Variants in SLC12A2 observed in about 807,000 individuals in gnomAD.
The protein encoded by SLC12A2 is solute carrier family 12 member 2.
SLC12A2 carries 67 observed loss-of-function variants against 136.3 expected under a neutral mutation model. The observed-to-expected ratio is 0.49, with a 90% CI of 0.40 to 0.60. The LOEUF is 0.60. Ranked by LOEUF, SLC12A2 falls within the 20% of genes least tolerant of loss-of-function variation. The pLI is 0.00. For missense variants in SLC12A2, 1,322 were observed against 1,534.7 expected (o/e 0.86, Z 2.32); for synonymous variants, 619 against 562.9 (o/e 1.10, Z -1.41).
intron 25 of SLC12A2, 120 bp from the exon 26 acceptor site, chr5:128,184,667 AAC>A: frequency 6.7e-7 from 1 of 1,495,676 alleles, no homozygotes; most frequent in Non-Finnish European, 9.1e-7. Flanking sequence ...AAAAATAGAG[AAC>A]AGATATTTTT....
At chr5:128,112,374 A>C (rs1560637) in intron 1 of SLC12A2, among the ~76,000 whole-genome samples, 125,465 of 152,164 alleles carry the variant, frequency 0.82, 52,397 homozygotes, top group African/African-American at 0.95. Context: ...TATAAAAAAA[A>C]CATATTCGTT....
At position 128,152,706 on chromosome 5, in the gene SLC12A2, A is replaced by T; in HGVS notation, c.2264A>T (p.Asp755Val). 6.3e-7 allele frequency: 1 copy of T among 1,593,594 alleles called. No individual in the cohort carries two copies. The highest frequency in any genetic ancestry group is 1.7e-4 in the Middle Eastern group (1 of 6,020). ...LYIYVTYKKP[D>V]VNWGSSTQAL... ...CTGCATGAACATTATCTTCCCACAG[A>T]TGTGAATTGGGGATCCTCTACACAA... Residue 755 changes from aspartate to valine, a missense_variant and splice_region_variant, in exon 15 of 27, where the codon GAT becomes GTT. Around this residue, in one of 8 missense-constraint regions of SLC12A2, gnomAD observed 294 missense variants for 436.6 expected, o/e 0.67. Transcript: ENST00000262461.
chr5:128,134,195 A>C lies in SLC12A2; in HGVS notation c.1219A>C (p.Asn407His), dbSNP rs935340000. Reference sequence around the variant, plus strand: ...TTCCATACTTATGATAGATGAAATCAATGATATCCGAATTATTGGAGCCAT... The same window carrying C: ...TTCCATACTTATGATAGATGAAATCCATGATATCCGAATTATTGGAGCCAT... ...EHSILMIDEI[N>H]DIRIIGAITV... is the part of the protein sequence containing the mutation. Residue 407 changes from asparagine (N) to histidine (H), a missense_variant, in exon 6 of 27, where the codon AAT (asparagine) becomes CAT (histidine). This residue lies in a region of SLC12A2 where 110 missense variants were observed against 114.5 expected (regional missense o/e 0.96). Coordinates refer to ENST00000262461, the MANE Select transcript of SLC12A2 (RefSeq NM_001046.3). 3.8e-6 allele frequency: 6 copies of C among 1,598,486 alleles called. No individual in the cohort carries two copies. The highest frequency in any genetic ancestry group is 5.1e-6 in the Non-Finnish European group (6 of 1,166,398).
intron 4 of SLC12A2, among the ~76,000 whole-genome samples, chr5:128,117,938 C>T (rs1486254584): frequency 2.6e-5 from 4 of 152,050 alleles, no homozygotes; most frequent in Non-Finnish European, 4.4e-5. Flanking sequence ...ACAAGATGTA[C>T]ATATGGCCAA....
At chr5:128,102,727 C>G (rs1007849616) in intron 1 of SLC12A2, among the ~76,000 whole-genome samples, 1 of 149,778 alleles carries the variant, frequency 6.7e-6, no homozygotes, top group Non-Finnish European at 1.5e-5. Flanking sequence ...ATCCTCTGGC[C>G]TCAGCCTCCC....
Position 128,161,698 on chromosome 5 carries a change from T to A in SLC12A2, c.2514T>A (p.Asp838Glu), listed in dbSNP as rs770774203. The A allele has an allele frequency of 6.7e-7, 1 of 1,500,720 alleles. No homozygotes were observed. The highest frequency in any genetic ancestry group is 8.9e-7 in the Non-Finnish European group (1 of 1,125,770). The allele number at this position is 1,500,720 out of a possible 1,614,324, so 93.0% of individuals were successfully genotyped here. ...AAGCCATGAAAGAGATGTCCATCGA[T>A]CAAGCCAAATATCAGCGATGGCTTA... Reference protein sequence around the residue: ...RRQAMKEMSIDQAKYQRWLIK... With the variant: ...RRQAMKEMSIEQAKYQRWLIK... Residue 838 changes from aspartate (D) to glutamate (E), a missense_variant, in exon 17 of 27, where the codon GAT (aspartate) becomes GAA (glutamate). Asp to Glu is a conservative substitution (Grantham distance 45, BLOSUM62 2). Around this residue, in one of 8 missense-constraint regions of SLC12A2, gnomAD observed 294 missense variants for 436.6 expected, o/e 0.67. Transcript: ENST00000262461.
chr5:128,150,214 C>G, intron 13 of SLC12A2, 116 bp downstream of exon 13: 1 of 656,680 alleles, frequency 1.5e-6, no homozygotes, highest in Non-Finnish European at 2.7e-6. Context: ...AATGCCAAGT[C>G]TGTCTTTACA....
At chr5:128,184,963 G>T (rs1763822957) in intron 26 of SLC12A2, 107 bp downstream of exon 26, 2 of 979,622 alleles carry the variant, frequency 2.0e-6, no homozygotes, top group Non-Finnish European at 3.1e-6. Flanking sequence ...TGACTTAGTG[G>T]TTATAAGGAG....
At chr5:128,156,781 T>C (rs572109636) in intron 15 of SLC12A2, among the ~76,000 whole-genome samples, 3 of 152,146 alleles carry the variant, frequency 2.0e-5, no homozygotes, top group African/African-American at 7.2e-5. Flanking sequence ...GTCAAAGTCA[T>C]CACTGCATCC....
rs6878922 is a variant in SLC12A2, at chr5:128,159,132, A to G, written c.2475+968A>G. Among the ~76,000 whole-genome samples, 1,444 of 152,088 alleles carry G rather than the reference A, an allele frequency of 9.5e-3. 24 individuals carry two copies. Among genetic ancestry groups the G allele is most frequent in the African/African-American group, 0.033 (1,369 of 41,468 alleles). On this transcript the variant is annotated intron_variant, in intron 16 of 26. Transcript: ENST00000262461. ...TCTTATTCATTATGAGTAGATTTTAACAAACTGTATTGTCCTTGTAGAGTG... is the reference window on the plus strand; with the variant it reads ...TCTTATTCATTATGAGTAGATTTTAGCAAACTGTATTGTCCTTGTAGAGTG...
intron 4 of SLC12A2, among the ~76,000 whole-genome samples, chr5:128,125,654 C>G (rs1406186031): frequency 6.6e-6 from 1 of 151,996 alleles, no homozygotes; most frequent in Non-Finnish European, 1.5e-5. Context: ...GAGACGTTTA[C>G]CATTTTGATG....
At chr5:128,107,920 C>T (rs1761001824) in intron 1 of SLC12A2, among the ~76,000 whole-genome samples, 1 of 152,050 alleles carries the variant, frequency 6.6e-6, no homozygotes, top group Non-Finnish European at 1.5e-5. Context: ...AATGTAATTT[C>T]TCCACATCCT....
rs1396774664 is a variant in SLC12A2, at chr5:128,187,667, G to A, written c.*1036G>A. On this transcript the variant is annotated 3_prime_UTR_variant, in exon 27 of 27. Transcript: ENST00000262461. ...TGGACCACTGGTTTCTTAGAGAAAT[G>A]TTTTTAGGCTTAATTCATTCAATTG... 3 of 152,500 alleles carry A rather than the reference G, an allele frequency of 2.0e-5. No homozygotes were observed. Among genetic ancestry groups the A allele is most frequent in the Admixed American group, 2.0e-4 (3 of 15,270 alleles). 9.4% of individuals were successfully genotyped at this position (152,500 alleles called of 1,614,324 possible).
At chr5:128,173,376 T>TATC (rs1027849482) in intron 19 of SLC12A2, among the ~76,000 whole-genome samples, 6 of 152,338 alleles carry the variant, frequency 3.9e-5, no homozygotes, top group African/African-American at 1.4e-4. Context: ...CCCTTTCACG[T>TATC]ATCAGTTTGA....
At chr5:128,162,899 A>G (rs936312855) in intron 17 of SLC12A2, among the ~76,000 whole-genome samples, 4 of 152,204 alleles carry the variant, frequency 2.6e-5, no homozygotes, top group African/African-American at 7.2e-5. Context: ...AATGCGGCCT[A>G]ACACAAATTC....
intron 25 of SLC12A2, 42 bp downstream of exon 25, chr5:128,184,543 A>G (rs765617776): frequency 6.7e-7 from 1 of 1,495,106 alleles, no homozygotes; most frequent in Admixed American, 2.3e-5. Context: ...TTTATATAAT[A>G]AAAGACATGA....
intron 26 of SLC12A2, among the ~76,000 whole-genome samples, chr5:128,185,782 T>C (rs1763847202): frequency 6.6e-6 from 1 of 152,190 alleles, no homozygotes; most frequent in African/African-American, 2.4e-5. Context: ...ACCTAGGATT[T>C]AGTGTTAGAT....
At chr5:128,120,949 C>T (rs569736020) in intron 4 of SLC12A2, among the ~76,000 whole-genome samples, 72 of 151,998 alleles carry the variant, frequency 4.7e-4, no homozygotes, top group Middle Eastern at 6.8e-3. Context: ...TGAATTATAA[C>T]GTGTTTATAT....
rs1760006276 is a variant in SLC12A2 at position 128,084,585 on chromosome 5, C to A, written c.631C>A (p.Arg211Ser). ...YDTHTNTYYLRTFGHNTMDAV... is the reference protein window; with the variant it reads ...YDTHTNTYYLSTFGHNTMDAV... Reference sequence around the variant, plus strand: ...TACCCACACCAACACCTACTACCTGCGCACCTTCGGCCACAACACCATGGA... The same window carrying A: ...TACCCACACCAACACCTACTACCTGAGCACCTTCGGCCACAACACCATGGA... Residue 211 changes from arginine to serine, a missense_variant, in exon 1 of 27, where the codon CGC becomes AGC. Around this residue, in one of 8 missense-constraint regions of SLC12A2, gnomAD observed 32 missense variants for 63.6 expected, o/e 0.50. Coordinates refer to ENST00000262461, the MANE Select transcript of SLC12A2 (RefSeq NM_001046.3). The surrounding 1 kb of genome is among the most constrained non-coding windows in gnomAD (Gnocchi z 5.6). 6.2e-7 allele frequency: 1 copy of A among 1,613,694 alleles called. No homozygotes were observed. The highest frequency in any genetic ancestry group is 8.5e-7 in the Non-Finnish European group (1 of 1,179,994).
Sources: allele counts gnomAD v4.1 joint callset (sites outside exome capture counted in the v4.1 genomes callset), GRCh38; gene constraint gnomAD v4.1.1; regional missense constraint gnomAD v4.1.1; non-coding constraint Gnocchi (gnomAD v3.1); transcripts MANE v1.5; gene names NCBI Gene and HGNC (gene_info 2026-07-23, HGNC 2026-07-21).